Variants in RPTOR observed in about 807,000 individuals in gnomAD.
The protein encoded by RPTOR is regulatory associated protein of MTOR complex 1, also known as regulatory-associated protein of mTOR.
A neutral mutation model predicts 169.9 loss-of-function variants in RPTOR; 21 were observed. That is an observed-to-expected ratio of 0.12 (90% CI 0.09 to 0.18). The LOEUF (loss-of-function observed/expected upper bound fraction) is 0.18, where lower values mean the gene tolerates loss of function less well. Ranked by LOEUF, RPTOR falls within the 10% of genes least tolerant of loss-of-function variation. The pLI, the probability that RPTOR is intolerant of heterozygous loss-of-function variation, is 1.00. For synonymous variants in RPTOR, 732 were observed against 753.2 expected, an observed-to-expected ratio of 0.97 and a Z score of 0.46; for missense variants, 1,133 against 1,855.9, an observed-to-expected ratio of 0.61 and a Z score of 7.16.
At chr17:80,768,594 C>T (rs897671093) in intron 6 of RPTOR, among the ~76,000 whole-genome samples, 2 of 152,024 alleles carry the variant, frequency 1.3e-5, no homozygotes, top group African/African-American at 4.8e-5. Flanking sequence ...GGCCTCCTCA[C>T]TGTCCGTGTC....
At chr17:80,912,417 T>C (rs541853926) in intron 21 of RPTOR, among the ~76,000 whole-genome samples, 69 of 152,348 alleles carry the variant, frequency 4.5e-4, no homozygotes, top group African/African-American at 1.6e-3. Context: ...TCAGCCTATT[T>C]AAGTTTATTT....
chr17:80,563,305 C>T (rs557626036), intron 1 of RPTOR, among the ~76,000 whole-genome samples: 59 of 151,554 alleles, frequency 3.9e-4, no homozygotes, highest in African/African-American at 1.4e-3. Flanking sequence ...GAGGCTGAGG[C>T]GGGTGGATCA....
At chr17:80,768,083 C>T (rs914107678) in intron 6 of RPTOR, among the ~76,000 whole-genome samples, 3 of 152,084 alleles carry the variant, frequency 2.0e-5, no homozygotes, top group South Asian at 2.1e-4. Flanking sequence ...AGGATGGTCT[C>T]GATTTCCAGA....
chr17:80,834,812 A>G (rs2067545960), intron 9 of RPTOR, among the ~76,000 whole-genome samples: 1 of 152,170 alleles, frequency 6.6e-6, no homozygotes, highest in African/African-American at 2.4e-5. Flanking sequence ...GCACTGACCG[A>G]GGCCACACCA....
At chr17:80,598,019 G>A (rs902709899) in intron 1 of RPTOR, among the ~76,000 whole-genome samples, 14 of 152,086 alleles carry the variant, frequency 9.2e-5, no homozygotes, top group African/African-American at 3.1e-4. Context: ...GTGCACACCT[G>A]TAGTCCCAGC....
intron 3 of RPTOR, among the ~76,000 whole-genome samples, chr17:80,691,387 G>A (rs898845037): frequency 2.6e-5 from 4 of 151,206 alleles, no homozygotes; most frequent in South Asian, 2.1e-4. Context: ...TACTGTATTC[G>A]TTTCTCACTG....
intron 7 of RPTOR, among the ~76,000 whole-genome samples, chr17:80,816,671 C>CA (rs1755293721): frequency 6.6e-6 from 1 of 152,110 alleles, no homozygotes; most frequent in South Asian, 2.1e-4. Context: ...TGAAGAAAGG[C>CA]AAGGCTGGCC....
At chr17:80,564,156 G>A (rs1177196622) in intron 1 of RPTOR, among the ~76,000 whole-genome samples, 1 of 151,512 alleles carries the variant, frequency 6.6e-6, no homozygotes, top group Non-Finnish European at 1.5e-5. Context: ...TCTGCCTCCC[G>A]AGTTCACGTC....
intron 24 of RPTOR, among the ~76,000 whole-genome samples, chr17:80,932,146 C>CATATATAT (rs57950527): frequency 0.051 from 7,398 of 145,662 alleles, 209 homozygotes; most frequent in Middle Eastern, 0.096. Flanking sequence ...TCCAGGCATG[C>CATATATAT]ATATATATAT....
At chr17:80,841,514 ACCACACGGCAGCTCACT>A (rs1460397974) in intron 10 of RPTOR, among the ~76,000 whole-genome samples, 1 of 100,102 alleles carries the variant, frequency 1.0e-5, no homozygotes. Context: ...GGCAGCTCAC[ACCACACGGCAGCTCACT>A]CTCACCACAC....
chr17:80,912,125 G>A (rs894144088), intron 21 of RPTOR, among the ~76,000 whole-genome samples: 5 of 152,228 alleles, frequency 3.3e-5, no homozygotes, highest in Non-Finnish European at 5.9e-5. Flanking sequence ...TTAAATAGCC[G>A]TTTTCACTAA....
At chr17:80,909,827 T>C (rs2068591046) in intron 21 of RPTOR, 1 of 152,230 alleles carries the variant, frequency 6.6e-6, no homozygotes, top group African/African-American at 2.4e-5. Flanking sequence ...TTCCATTTGA[T>C]TGATTGAGCT....
intron 6 of RPTOR, among the ~76,000 whole-genome samples, chr17:80,761,587 G>A (rs1270644886): frequency 6.6e-6 from 1 of 152,198 alleles, no homozygotes; most frequent in Non-Finnish European, 1.5e-5. Flanking sequence ...CATTTGCTGT[G>A]ACATTTGCTT....
At chr17:80,545,812 C>G (rs771093442) in intron 1 of RPTOR, 21 bp downstream of exon 1, 2 of 1,562,612 alleles carry the variant, frequency 1.3e-6, no homozygotes, top group South Asian at 2.3e-5. Flanking sequence ...TCTGAAGGCA[C>G]CCCTTGAACT....
chr17:80,736,363 C>T (rs891086582), intron 5 of RPTOR, among the ~76,000 whole-genome samples: 5 of 152,170 alleles, frequency 3.3e-5, no homozygotes, highest in East Asian at 1.9e-4. Flanking sequence ...ACCTGTCCGA[C>T]GGTCACTCAC....
At chr17:80,875,830 C>T (rs1473282144) in intron 13 of RPTOR, among the ~76,000 whole-genome samples, 8 of 143,836 alleles carry the variant, frequency 5.6e-5, no homozygotes, top group Middle Eastern at 4.0e-3. Flanking sequence ...GAGCCCGTGC[C>T]GCCCAGGATG....
At position 80,942,624 on chromosome 17, in the gene RPTOR, G is replaced by A. The variant is rs150755252; in HGVS notation, c.3025+2023G>A. ...TCCTCGGAATTCGGATTCGGTGCAG[G>A]CGTTTATTTTCATTTAAGGAGCCAA... On this transcript the variant is annotated intron_variant, in intron 25 of 33. Coordinates refer to ENST00000306801, the MANE Select transcript of RPTOR (RefSeq NM_020761.3). 4.5e-3 allele frequency among the ~76,000 whole-genome samples: 678 copies of A among 152,190 alleles called. 3 individuals are homozygous for A. Among genetic ancestry groups the A allele is most frequent in the Non-Finnish European group, 7.7e-3 (526 of 68,016 alleles).
chr17:80,702,804 C>T lies in RPTOR; in HGVS notation c.349-5037C>T, dbSNP rs575749022. On this transcript the variant is annotated intron_variant, in intron 3 of 33. Coordinates refer to ENST00000306801, the MANE Select transcript of RPTOR (RefSeq NM_020761.3). ...ATCTACCCCGTGGCCTTCTGTGTGG[C>T]GTGGAAGAACAGCACTCCTGTTCAG... 8.5e-5 allele frequency among the ~76,000 whole-genome samples: 13 copies of T among 152,244 alleles called. No individual in the cohort carries two copies. The South Asian group carries it at 2.1e-3, about 24-fold the overall frequency.
intron 1 of RPTOR, among the ~76,000 whole-genome samples, chr17:80,580,741 G>A (rs1187543115): frequency 6.6e-6 from 1 of 152,104 alleles, no homozygotes; most frequent in Non-Finnish European, 1.5e-5. Context: ...TCCCACCTCA[G>A]CCTCCCGAGT....
Sources: allele counts gnomAD v4.1 joint callset (sites outside exome capture counted in the v4.1 genomes callset), GRCh38; gene constraint gnomAD v4.1.1; transcripts MANE v1.5; gene names NCBI Gene and HGNC (gene_info 2026-07-23, HGNC 2026-07-21).